The following ZNF682 variants were observed in gnomAD, a reference collection of about 807,000 sequenced individuals.
ZNF682 encodes zinc finger protein 682.
ZNF682 carries 29 observed loss-of-function variants against 36.5 expected under a neutral mutation model. The observed-to-expected ratio is 0.80, with a 90% confidence interval of 0.59 to 1.08. The LOEUF is 1.08. Among genes scored for constraint, ZNF682 ranks in the 50% least tolerant of loss-of-function variants. The pLI is 0.00. For synonymous variants in ZNF682, 180 were observed against 197.0 expected (o/e 0.91, Z 0.72); for missense variants, 561 against 579.7 (o/e 0.97, Z 0.33).
intron 1 of ZNF682, among the ~76,000 whole-genome samples, chr19:20,031,915 A>G (rs2088483296): frequency 6.6e-6 from 1 of 152,214 alleles, no homozygotes; most frequent in African/African-American, 2.4e-5. Context: ...AAGGATTCTC[A>G]TTAGTTTACA....
At chr19:20,032,374 A>G (rs999858025) in intron 1 of ZNF682, among the ~76,000 whole-genome samples, 1 of 152,216 alleles carries the variant, frequency 6.6e-6, no homozygotes, top group Non-Finnish European at 1.5e-5. Flanking sequence ...TGCCAGGGAC[A>G]TTGAAAGAGG....
At chr19:20,039,231 T>C in intron 1 of ZNF682, 112 bp downstream of exon 1, 1 of 1,529,832 alleles carries the variant, frequency 6.5e-7, no homozygotes, top group Non-Finnish European at 8.8e-7. Context: ...GGGACTCCAG[T>C]CCGCAGACTC....
chr19:20,031,156 T>G (rs2088476313), intron 1 of ZNF682: 1 of 152,242 alleles, frequency 6.6e-6, no homozygotes, highest in Non-Finnish European at 1.5e-5. Context: ...TGGTAGAGCT[T>G]CAGATCCTAA....
Position 20,024,285 on chromosome 19 carries a change from A to C in ZNF682, c.95T>G (p.Val32Gly), listed in dbSNP as rs955922763. 1.9e-5 allele frequency: 30 copies of C among 1,613,972 alleles called. No individual in the cohort carries two copies. Among genetic ancestry groups the C allele is most frequent in the Non-Finnish European group, 2.2e-5 (26 of 1,179,992 alleles). Residue 32 changes from valine (V) to glycine (G), a missense_variant, in exon 2 of 4, where the codon GTG becomes GGG. Val to Gly is a moderately radical substitution (Grantham distance 109, BLOSUM62 -3). Transcript: ENST00000397165. ...NPAQQSLYRK[V>G]MLENYRNLVS... is the part of the protein sequence containing the mutation. Reference sequence around the variant, plus strand: ...CAGGTTTCTGTAGTTCTCTAGCATCACTTTCCTATACAAACTCTGCTGAGC... The same window carrying C: ...CAGGTTTCTGTAGTTCTCTAGCATCCCTTTCCTATACAAACTCTGCTGAGC...
intron 1 of ZNF682, among the ~76,000 whole-genome samples, chr19:20,029,644 A>G (rs1035146624): frequency 6.6e-6 from 1 of 151,990 alleles, no homozygotes; most frequent in Non-Finnish European, 1.5e-5. Flanking sequence ...GCTTGAAATA[A>G]AAGCTGAAGA....
At chr19:20,001,427 G>C (rs1300137324), downstream of ZNF682, among the ~76,000 whole-genome samples, 3 of 152,222 alleles carry the variant, frequency 2.0e-5, no homozygotes, top group Non-Finnish European at 2.9e-5. Context: ...TATCCCATCA[G>C]GGAAGGAGGT....
downstream of ZNF682, among the ~76,000 whole-genome samples, chr19:20,001,899 C>T (rs2088170068): frequency 6.6e-6 from 1 of 152,106 alleles, no homozygotes; most frequent in Admixed American, 6.5e-5. Flanking sequence ...CAATCTGAAG[C>T]AATGCTCTTT....
At chr19:20,027,780 A>G (rs575283087) in intron 1 of ZNF682, among the ~76,000 whole-genome samples, 2 of 44,534 alleles carry the variant, frequency 4.5e-5, no homozygotes, top group East Asian at 6.1e-4. Flanking sequence ...AAAGAAAAAC[A>G]AAAACAAAAA....
chr19:20,010,064 T>A (rs924805602), intron 3 of ZNF682, among the ~76,000 whole-genome samples: 6 of 151,212 alleles, frequency 4.0e-5, no homozygotes, highest in African/African-American at 1.5e-4. Flanking sequence ...GAAATTCCAA[T>A]CAGGAATTTT....
chr19:20,009,269 AG>A (rs1256371262), intron 3 of ZNF682, among the ~76,000 whole-genome samples: 5 of 152,204 alleles, frequency 3.3e-5, no homozygotes, highest in Admixed American at 1.3e-4. Context: ...AGCAGATGAA[AG>A]TATTTCAGAG....
chr19:20,032,352 C>T (rs968427272), intron 1 of ZNF682, among the ~76,000 whole-genome samples: 7 of 152,168 alleles, frequency 4.6e-5, no homozygotes, highest in Non-Finnish European at 8.8e-5. Flanking sequence ...GAATTCATTT[C>T]AGATTTGAAG....
downstream of ZNF682, among the ~76,000 whole-genome samples, chr19:20,001,358 G>T (rs532106216): frequency 6.6e-6 from 1 of 152,304 alleles, no homozygotes; most frequent in East Asian, 1.9e-4. Flanking sequence ...TACCAAAAAA[G>T]GGGGTGAGAC....
rs537734840 is a variant in ZNF682, at chr19:20,004,978, T to G, written c.*1027A>C. 1 of 152,362 alleles carries G rather than the reference T, an allele frequency of 6.6e-6. No individual in the cohort carries two copies. The highest frequency in any genetic ancestry group is 1.9e-4 in the East Asian group (1 of 5,192). The allele number at this position is 152,362 out of a possible 1,614,324, so 9.4% of individuals were successfully genotyped here. On this transcript the variant is annotated 3_prime_UTR_variant, in exon 4 of 4. Coordinates refer to ENST00000397165, the MANE Select transcript of ZNF682 (RefSeq NM_033196.3). ...GAATAACATTGAAAGTGTTAGCGTC[T>G]TAGTGGTTTCTACTGTGAATCTTCT...
intron 3 of ZNF682, among the ~76,000 whole-genome samples, chr19:19,998,700 G>A (rs987247621): frequency 2.6e-5 from 4 of 152,044 alleles, no homozygotes; most frequent in African/African-American, 9.7e-5. Context: ...ACTTTGTGTG[G>A]CCTGAGAGCC....
chr19:20,028,732 G>A (rs560728841), intron 1 of ZNF682, among the ~76,000 whole-genome samples: 2 of 152,306 alleles, frequency 1.3e-5, no homozygotes, highest in East Asian at 3.9e-4. Flanking sequence ...GTCCTTTAAA[G>A]TTTCCAGAGG....
At chr19:20,008,211 A>G (rs1488407011) in intron 3 of ZNF682, 1 of 152,328 alleles carries the variant, frequency 6.6e-6, no homozygotes, top group Non-Finnish European at 1.5e-5. Flanking sequence ...ATGAGCCAGC[A>G]TGGGAGCTGA....
intron 3 of ZNF682, among the ~76,000 whole-genome samples, chr19:20,017,024 ACT>A (rs2088340227): frequency 6.6e-6 from 1 of 152,100 alleles, no homozygotes. Flanking sequence ...TGTTTCATAA[ACT>A]CTCATTTTTC....
intron 1 of ZNF682, chr19:20,030,906 T>C (rs1317612133): frequency 6.6e-6 from 1 of 152,208 alleles, no homozygotes; most frequent in Non-Finnish European, 1.5e-5. Context: ...AAAGAGATTA[T>C]TTTTGTGAGA....
In ZNF682 at chr19:20,005,799, C is replaced by T; in HGVS notation, c.*206G>A. The stretch of plus-strand genomic sequence containing the variant: ...ATAGTAGTTATTAAATGCTTTGCCA[C>T]ATTCTTTAAAATCAGAATTTTTCTC... On this transcript the variant is annotated 3_prime_UTR_variant, in exon 4 of 4. Coordinates refer to ENST00000397165, the MANE Select transcript of ZNF682 (RefSeq NM_033196.3). 1.7e-6 allele frequency: 1 copy of T among 583,966 alleles called. No homozygotes were observed. The allele number at this position is 583,966 out of a possible 1,614,324, so 36.2% of individuals were successfully genotyped here. A position where few individuals can be genotyped will look rare whatever the true frequency, so the allele number is the denominator to read the frequency against.
Sources: allele counts gnomAD v4.1 joint callset (sites outside exome capture counted in the v4.1 genomes callset), GRCh38; gene constraint gnomAD v4.1.1; transcripts MANE v1.5; gene names NCBI Gene and HGNC (gene_info 2026-07-23, HGNC 2026-07-21).